WWOX: variants seen among roughly 807,000 people sequenced by gnomAD.
WWOX encodes WW domain containing oxidoreductase, also known as WW domain-containing oxidoreductase.
WWOX carries 69 observed loss-of-function variants against 46.2 expected under a neutral mutation model. That is an observed-to-expected ratio of 1.49 (90% CI 1.23 to 1.82). The LOEUF is 1.82. Ranked by LOEUF, WWOX falls within the 40% of genes most tolerant of loss-of-function variation. The pLI is 0.00. For synonymous variants in WWOX, 359 were observed against 202.6 expected, an observed-to-expected ratio of 1.77 and a Z score of -6.56; for missense variants, 919 against 542.6, an observed-to-expected ratio of 1.69 and a Z score of -6.89.
At chr16:78,585,854 A>T (rs1374736146) in intron 8 of WWOX, among the ~76,000 whole-genome samples, 1 of 151,800 alleles carries the variant, frequency 6.6e-6, no homozygotes, top group East Asian at 1.9e-4. Context: ...ACCTTCTGGA[A>T]TCTTTTATTG....
chr16:78,917,635 C>T lies in WWOX; in HGVS notation c.1057-293973C>T, dbSNP rs1049412867. Among the ~76,000 whole-genome samples the T allele has an allele frequency of 8.5e-5, 13 of 152,144 alleles. 1 individual carries two copies. Among genetic ancestry groups the T allele is most frequent in the Admixed American group, 7.9e-4 (12 of 15,270 alleles). ...GCCCTTCTACTTGAACTTTCCCACT[C>T]ATTGCCCTTATAACTTGCCATTTAA... On this transcript the variant is annotated intron_variant, in intron 8 of 8. Coordinates refer to ENST00000566780, the MANE Select transcript of WWOX (RefSeq NM_016373.4).
chr16:78,659,185 C>A (rs115380279), intron 8 of WWOX, among the ~76,000 whole-genome samples: 2,169 of 151,978 alleles, frequency 0.014, 50 homozygotes, highest in African/African-American at 0.05. Flanking sequence ...AGTATGAGCA[C>A]GTGGTATTCT....
chr16:78,980,254 G>A (rs897630365), intron 8 of WWOX, among the ~76,000 whole-genome samples: 5 of 152,218 alleles, frequency 3.3e-5, no homozygotes, highest in Admixed American at 6.5e-5. Context: ...GAAGTTGGCT[G>A]TGTGAGCTCC....
chr16:78,733,288 T>G (rs905571838), intron 8 of WWOX, among the ~76,000 whole-genome samples: 7 of 151,900 alleles, frequency 4.6e-5, no homozygotes, highest in African/African-American at 1.5e-4. Flanking sequence ...GATCACTGTT[T>G]CTACAAAAAA....
intron 5 of WWOX, among the ~76,000 whole-genome samples, chr16:78,362,644 A>G (rs983940261): frequency 1.1e-4 from 16 of 152,030 alleles, no homozygotes. Context: ...GAAAGGAAAA[A>G]AAATCCTGGT....
At chr16:78,700,054 G>T (rs376851829) in intron 8 of WWOX, among the ~76,000 whole-genome samples, 29 of 152,156 alleles carry the variant, frequency 1.9e-4, no homozygotes, top group African/African-American at 7.0e-4. Flanking sequence ...CCTGGCTCTT[G>T]ATGCTGGCTA....
intron 8 of WWOX, among the ~76,000 whole-genome samples, chr16:78,801,451 G>A (rs1044216002): frequency 7.9e-5 from 12 of 152,196 alleles, no homozygotes; most frequent in African/African-American, 2.9e-4. Flanking sequence ...AGAGGTTGCA[G>A]TAAGCTGATA....
intron 8 of WWOX, among the ~76,000 whole-genome samples, chr16:79,125,284 C>T (rs963580526): frequency 6.6e-6 from 1 of 152,142 alleles, no homozygotes; most frequent in African/African-American, 2.4e-5. Context: ...TTAGAATCTT[C>T]CAAACCTCCG....
chr16:78,405,589 T>G (rs2151946299), intron 6 of WWOX, among the ~76,000 whole-genome samples: 1 of 152,352 alleles, frequency 6.6e-6, no homozygotes, highest in Admixed American at 6.5e-5. Flanking sequence ...AAACAATACA[T>G]AAGTATCTTA....
chr16:78,183,379 A>G (rs1234374608), intron 5 of WWOX, among the ~76,000 whole-genome samples: 1 of 152,062 alleles, frequency 6.6e-6, no homozygotes, highest in Non-Finnish European at 1.5e-5. Flanking sequence ...GTGGCATAGG[A>G]CCAGTTGGTT....
intron 8 of WWOX, among the ~76,000 whole-genome samples, chr16:78,889,945 G>A (rs1029189119): frequency 6.6e-6 from 1 of 152,048 alleles, no homozygotes; most frequent in Non-Finnish European, 1.5e-5. Context: ...AATTAGATGT[G>A]TACCATCTTA....
intron 4 of WWOX, chr16:78,123,468 G>GTTTTTTTTTTTT (rs1368575694): frequency 1.9e-5 from 1 of 51,836 alleles, no homozygotes; most frequent in Non-Finnish European, 3.5e-5. Context: ...TTTTTTTTTT[G>GTTTTTTTTTTTT]TTTTTTTGAG....
At chr16:78,332,389 C>A (rs1362250423) in intron 5 of WWOX, among the ~76,000 whole-genome samples, 4 of 152,158 alleles carry the variant, frequency 2.6e-5, no homozygotes, top group African/African-American at 9.7e-5. Context: ...TTCCTCTGTG[C>A]AATCTGAGGG....
chr16:78,922,015 C>T (rs1229370783), intron 8 of WWOX, among the ~76,000 whole-genome samples: 3 of 152,204 alleles, frequency 2.0e-5, no homozygotes, highest in African/African-American at 4.8e-5. Flanking sequence ...CTACCCATGA[C>T]ATCAGGACAG....
chr16:78,501,712 C>T (rs1597174841), intron 8 of WWOX, among the ~76,000 whole-genome samples: 1 of 151,942 alleles, frequency 6.6e-6, no homozygotes. Context: ...AATTTTTGTA[C>T]TTTTATTAGA....
chr16:78,634,579 G>C (rs924140759), intron 8 of WWOX, among the ~76,000 whole-genome samples: 1 of 151,922 alleles, frequency 6.6e-6, no homozygotes, highest in East Asian at 1.9e-4. Flanking sequence ...GGTGGCGGGC[G>C]CCTGTAATCC....
intron 8 of WWOX, among the ~76,000 whole-genome samples, chr16:79,105,676 T>C (rs2049294485): frequency 6.6e-6 from 1 of 150,950 alleles, no homozygotes; most frequent in Non-Finnish European, 1.5e-5. Context: ...TTTTTTTTTG[T>C]TTGCGAGACA....
At chr16:79,088,465 G>A (rs1348421010) in intron 8 of WWOX, among the ~76,000 whole-genome samples, 3 of 152,216 alleles carry the variant, frequency 2.0e-5, no homozygotes, top group Non-Finnish European at 4.4e-5. Context: ...CAGGTGAATG[G>A]TGCAAGGGAT....
intron 5 of WWOX, among the ~76,000 whole-genome samples, chr16:78,168,854 T>A (rs1354732328): frequency 6.6e-6 from 1 of 152,226 alleles, no homozygotes; most frequent in East Asian, 1.9e-4. Context: ...AACCTATATG[T>A]AATTACTATG....
Sources: allele counts gnomAD v4.1 joint callset (sites outside exome capture counted in the v4.1 genomes callset), GRCh38; gene constraint gnomAD v4.1.1; transcripts MANE v1.5; gene names NCBI Gene and HGNC (gene_info 2026-07-23, HGNC 2026-07-21).